The following DNAH17 variants were observed in gnomAD, a reference collection of about 807,000 sequenced individuals.
The protein encoded by DNAH17 is axonemal beta dynein heavy chain 17.
A neutral mutation model predicts 485.6 loss-of-function variants in DNAH17; 376 were observed. That is an observed-to-expected ratio of 0.77 (90% CI 0.71 to 0.84). The LOEUF (loss-of-function observed/expected upper bound fraction) is 0.84. DNAH17 is among the 40% of genes least tolerant of loss of function. The probability of loss-of-function intolerance (pLI) is 0.00; values close to 1 mark genes in which losing one functional copy is unlikely to be tolerated. For missense variants in DNAH17, 6,370 were observed against 5,839.3 expected (o/e 1.09, Z -2.96); for synonymous variants, 3,031 against 2,405.9 (o/e 1.26, Z -7.60).
At chr17:78,524,026 T>G (rs577691778) in intron 25 of DNAH17, among the ~76,000 whole-genome samples, 1 of 152,254 alleles carries the variant, frequency 6.6e-6, no homozygotes, top group East Asian at 1.9e-4. Context: ...GGTCTGAATA[T>G]TCCCCCCAAA....
At chr17:78,470,104 C>CA (rs1387237884) in intron 54 of DNAH17, among the ~76,000 whole-genome samples, 1 of 119,068 alleles carries the variant, frequency 8.4e-6, no homozygotes, top group African/African-American at 3.3e-5. Flanking sequence ...GACAGTCTCT[C>CA]ACTCTGTTGC....
In DNAH17 at chr17:78,549,842, CCTGCACCTGCTG is replaced by C. The variant is rs796815178; in HGVS notation, c.2391+1681_2391+1692del. On this transcript the variant is annotated intron_variant, in intron 16 of 80. Transcript: ENST00000389840. ...GAGCCTGCAGCCAACCCTCTGAGAC[CCTGCACCTGCTG>C]CGGCCCCTGCTGAAGATTCAGAAGC... 4.6e-5 allele frequency among the ~76,000 whole-genome samples: 7 copies of C among 152,150 alleles called. No individual in the cohort carries two copies. In the East Asian group the frequency reaches 1.2e-3, roughly 25 times the overall value.
At chr17:78,532,368 C>T (rs1464866326) in intron 20 of DNAH17, 114 bp downstream of exon 20, 6 of 1,404,236 alleles carry the variant, frequency 4.3e-6, no homozygotes, top group Non-Finnish European at 1.9e-6. Context: ...TTGCCTTGCC[C>T]TACCTGGAAA....
intron 63 of DNAH17, 94 bp from the exon 64 acceptor site, chr17:78,454,799 G>T: frequency 9.0e-7 from 1 of 1,113,904 alleles, no homozygotes. Flanking sequence ...CTGGTGCTGC[G>T]GTTAGGGGTG....
chr17:78,549,520 T>TC (rs2091851796), intron 16 of DNAH17, among the ~76,000 whole-genome samples: 1 of 152,204 alleles, frequency 6.6e-6, no homozygotes, highest in Non-Finnish European at 1.5e-5. Flanking sequence ...AACAGATCAT[T>TC]CCTTCCTTGG....
At position 78,429,534 on chromosome 17, in the gene DNAH17, C is replaced by G. The variant is rs533690334; in HGVS notation, c.12226-234G>C. 6.8e-4 allele frequency among the ~76,000 whole-genome samples: 103 copies of G among 152,330 alleles called. No individual in the cohort carries two copies. In the Middle Eastern group the frequency reaches 0.01, roughly 15 times the overall value. ...TGTCCGGCCCCTTTGGCTTCTCTCACAAGGGGCTGTGTGGCACCTCCCTCC... is the reference window on the plus strand; with the variant it reads ...TGTCCGGCCCCTTTGGCTTCTCTCAGAAGGGGCTGTGTGGCACCTCCCTCC... On this transcript the variant is annotated intron_variant, in intron 75 of 80. Coordinates refer to ENST00000389840, the MANE Select transcript of DNAH17 (RefSeq NM_173628.4).
At chr17:78,545,862 GGTTA>G (rs1389840467) in intron 16 of DNAH17, among the ~76,000 whole-genome samples, 5 of 151,978 alleles carry the variant, frequency 3.3e-5, no homozygotes, top group Admixed American at 6.6e-5. Flanking sequence ...GATTTTGTAT[GGTTA>G]GCTAAATATA....
chr17:78,434,333 C>CG (rs2086791149), intron 74 of DNAH17, 113 bp from the exon 75 acceptor site: 1 of 743,530 alleles, frequency 1.3e-6, no homozygotes, highest in Non-Finnish European at 2.1e-6. Context: ...AGGGTGGGGG[C>CG]GGTGGGGGGT....
rs995752241 is a variant in DNAH17 at position 78,555,475 on chromosome 17, C to CG, written c.2178+2632dup. Among the ~76,000 whole-genome samples, 60 of 145,140 alleles carry CG rather than the reference C, an allele frequency of 4.1e-4. 1 individual carries two copies. Among genetic ancestry groups the CG allele is most frequent in the African/African-American group, 1.5e-3 (58 of 38,044 alleles). On this transcript the variant is annotated intron_variant, in intron 14 of 80. Coordinates refer to ENST00000389840, the MANE Select transcript of DNAH17 (RefSeq NM_173628.4). ...GAATGGACCATGGACAAAGATATTA[C>CG]GGCCCCTGGTGATCAGAATCTGGGG...
At chr17:78,521,850 G>A (rs2090942572) in intron 25 of DNAH17, among the ~76,000 whole-genome samples, 1 of 152,032 alleles carries the variant, frequency 6.6e-6, no homozygotes, top group African/African-American at 2.4e-5. Context: ...AGCCAAGTGT[G>A]GTGGCGTGCG....
rs945998092 is a variant in DNAH17 at position 78,426,783 on chromosome 17, G to C, written c.12771+143C>G. 8 of 1,289,296 alleles carry C rather than the reference G, an allele frequency of 6.2e-6. No homozygotes were observed. In the African/African-American group the frequency reaches 1.2e-4, roughly 19 times the overall value. The allele number at this position is 1,289,296 out of a possible 1,614,324, so 79.9% of individuals were successfully genotyped here. ...CGGTCTAGATGAGCTCCCGGGGCTTGTTCTGGAACTGCCAGAGCTCTGGAG... is the reference window on the plus strand; with the variant it reads ...CGGTCTAGATGAGCTCCCGGGGCTTCTTCTGGAACTGCCAGAGCTCTGGAG... On this transcript the variant is annotated intron_variant, in intron 78 of 80. Transcript: ENST00000389840.
At chr17:78,455,370 G>C (rs963437185) in intron 63 of DNAH17, among the ~76,000 whole-genome samples, 1 of 151,882 alleles carries the variant, frequency 6.6e-6, no homozygotes, top group Non-Finnish European at 1.5e-5. Context: ...GTGTCGTCCA[G>C]GTTGGAATGC....
Position 78,459,919 on chromosome 17 carries a change from G to A in DNAH17, c.9518C>T (p.Ala3173Val), listed in dbSNP as rs773893542. 5.0e-6 allele frequency: 8 copies of A among 1,614,024 alleles called. No individual in the cohort carries two copies. The East Asian group carries it at 1.6e-4, about 31-fold the overall frequency. ...NVTAAVMILT[A>V]PGGKIPKDKS... is the part of the protein sequence containing the mutation. ...GTCCTTGGGGATCTTGCCCCCAGGT[G>A]CGGTCAGAATCATGACGGCGGCGGT... The change falls in exon 60 of 81, where the codon GCA becomes GTA. Residue 3173 changes from alanine to valine, a missense_variant. By Grantham distance (64) the Ala-to-Val change is moderately conservative. Coordinates refer to ENST00000389840, the MANE Select transcript of DNAH17 (RefSeq NM_173628.4).
At chr17:78,432,628 G>A (rs948013269) in intron 75 of DNAH17, among the ~76,000 whole-genome samples, 5 of 152,230 alleles carry the variant, frequency 3.3e-5, no homozygotes, top group Admixed American at 1.3e-4. Context: ...CAGGCCAGGT[G>A]CTTGACATCA....
In DNAH17 at chr17:78,424,897, C is replaced by T. The variant is rs74001312; in HGVS notation, c.13141+449G>A. On this transcript the variant is annotated intron_variant, in intron 80 of 80. Coordinates refer to ENST00000389840, the MANE Select transcript of DNAH17 (RefSeq NM_173628.4). Reference sequence around the variant, plus strand: ...TCTAACAGGTGCCCCAGCCTCTTTTCCCTTGAACCCTGTGTTCCAGGAGTG... The same window carrying T: ...TCTAACAGGTGCCCCAGCCTCTTTTTCCTTGAACCCTGTGTTCCAGGAGTG... 8.5e-3 allele frequency: 1,361 copies of T among 160,548 alleles called. 18 individuals are homozygous for T. Among genetic ancestry groups the T allele is most frequent in the African/African-American group, 0.031 (1,295 of 41,632 alleles). 9.9% of individuals were successfully genotyped at this position (160,548 alleles called of 1,614,324 possible).
At chr17:78,550,165 G>T (rs1459105645) in intron 16 of DNAH17, among the ~76,000 whole-genome samples, 1 of 152,246 alleles carries the variant, frequency 6.6e-6, no homozygotes, top group Non-Finnish European at 1.5e-5. Context: ...ACTAGCTGGC[G>T]AGACAACGCC....
intron 26 of DNAH17, among the ~76,000 whole-genome samples, chr17:78,514,514 A>AG (rs1320433752): frequency 7.3e-6 from 1 of 136,634 alleles, no homozygotes; most frequent in African/African-American, 2.5e-5. Context: ...AAAAAAAAAA[A>AG]AAAAAAAAGA....
rs997046386 is a variant in DNAH17 at position 78,551,609 on chromosome 17, C to T, written c.2317G>A (p.Glu773Lys). Reference protein sequence around the residue: ...GVFQYIQEVREILHNLQNRMQ... With the variant: ...GVFQYIQEVRKILHNLQNRMQ... ...CTGTTCTGCAAGTTGTGCAGAATTT[C>T]TCGCACCTCTTGAATGTACTGAAAC... Residue 773 changes from glutamate (E) to lysine (K), a missense_variant, in exon 16 of 81, where the codon GAA (glutamate) becomes AAA (lysine). Physicochemically the swap from Glu to Lys is moderately conservative, Grantham distance 56. Transcript: ENST00000389840. 22 of 1,613,870 alleles carry T rather than the reference C, an allele frequency of 1.4e-5. No individual in the cohort carries two copies. Among genetic ancestry groups the T allele is most frequent in the East Asian group, 2.2e-5 (1 of 44,900 alleles).
chr17:78,571,848 C>A, intron 3 of DNAH17, 66 bp from the exon 4 acceptor site: 1 of 1,453,544 alleles, frequency 6.9e-7, no homozygotes, highest in East Asian at 2.3e-5. Context: ...CCAAGCTCTC[C>A]CATGAATCCT....
Sources: gnomAD v4.1 joint callset for allele counts (sites outside exome capture counted in the v4.1 genomes callset) on GRCh38, gnomAD v4.1.1 for gene constraint, MANE v1.5 for transcripts, NCBI Gene and HGNC (gene_info 2026-07-23, HGNC 2026-07-21) for gene names.